Variants in GTSF1 observed in about 807,000 individuals in gnomAD.
The protein encoded by GTSF1 is gametocyte-specific factor 1.
Under a neutral mutation model 28.9 loss-of-function variants are expected in GTSF1, and 11 were observed. That is an observed-to-expected ratio of 0.38 (90% CI 0.24 to 0.63). The LOEUF is 0.63. Ranked by LOEUF, GTSF1 falls within the 30% of genes least tolerant of loss-of-function variation. The pLI, the probability that GTSF1 is intolerant of heterozygous loss-of-function variation, is 0.56. For synonymous variants in GTSF1, 69 were observed against 65.6 expected (o/e 1.05, Z -0.25); for missense variants, 146 against 201.0 (o/e 0.73, Z 1.66).
chr12:54,458,649 C>T (rs993082338), intron 8 of GTSF1, among the ~76,000 whole-genome samples: 2 of 152,242 alleles, frequency 1.3e-5, no homozygotes, highest in Non-Finnish European at 2.9e-5. Context: ...GGATTACAGG[C>T]GTGAGCCACT....
rs1028811129 is a variant in GTSF1, at chr12:54,471,294, T to G, written c.-29-17A>C. The G allele has an allele frequency of 3.2e-6, 5 of 1,564,418 alleles. No individual in the cohort carries two copies. In the African/African-American group the frequency reaches 6.9e-5, roughly 21 times the overall value. On this transcript the variant is annotated splice_polypyrimidine_tract_variant and intron_variant, in intron 1 of 8. Coordinates refer to ENST00000305879, the MANE Select transcript of GTSF1 (RefSeq NM_144594.3). ...ATCCAAGTGCTGGAAAAAACAAAAG[T>G]GTGATTCAGGAAATCAGAAATAAAA...
At chr12:54,457,876 T>C (rs1414588147) in intron 8 of GTSF1, among the ~76,000 whole-genome samples, 1 of 152,210 alleles carries the variant, frequency 6.6e-6, no homozygotes, top group African/African-American at 2.4e-5. Flanking sequence ...GAAAAATGGC[T>C]GGTACCTAGA....
At chr12:54,459,373 G>A (rs1956384722) in intron 7 of GTSF1, 1 of 1,412,596 alleles carries the variant, frequency 7.1e-7, no homozygotes, top group African/African-American at 1.4e-5. Flanking sequence ...TATCCAGGGA[G>A]AAACGTTTTA....
chr12:54,460,506 CA>C, intron 6 of GTSF1, 35 bp from the exon 7 acceptor site: 11 of 1,421,304 alleles, frequency 7.7e-6, no homozygotes, highest in Non-Finnish European at 1.1e-5. Context: ...GTCGGCAGAT[CA>C]GTATCATTCA....
At chr12:54,469,067 CA>C (rs1347174202) in intron 2 of GTSF1, 2 of 152,144 alleles carry the variant, frequency 1.3e-5, no homozygotes, top group Non-Finnish European at 2.9e-5. Context: ...AGGGACTTCA[CA>C]TTCTTCTTCT....
chr12:54,465,254 A>T, intron 2 of GTSF1, 87 bp from the exon 3 acceptor site: 1 of 820,944 alleles, frequency 1.2e-6, no homozygotes. Context: ...TTTTTTCAAG[A>T]GACTCTGTAA....
Position 54,463,290 on chromosome 12 carries a change from G to T in GTSF1, c.125C>A (p.Pro42His), listed in dbSNP as rs767605251. The T allele has an allele frequency of 6.2e-7, 1 of 1,613,726 alleles. No individual in the cohort carries two copies. The highest frequency in any genetic ancestry group is 8.5e-7 in the Non-Finnish European group (1 of 1,179,742). The change falls in exon 4 of 9, where the codon CCT (proline) becomes CAT (histidine). Residue 42 changes from proline to histidine, a missense_variant. Physicochemically the swap from Pro to His is moderately conservative, Grantham distance 77 (BLOSUM62 -2). Transcript: ENST00000305879. ...YHLIKCRKNH[P>H]DVASKLATCP... Reference sequence around the variant, plus strand: ...AGTAGCCAATTTGCTTGCAACATCAGGATGATTCTGTGGAACCAAAATTAA... The same window carrying T: ...AGTAGCCAATTTGCTTGCAACATCATGATGATTCTGTGGAACCAAAATTAA...
At position 54,462,689 on chromosome 12, in the gene GTSF1, G is replaced by C. The variant is rs369671468; in HGVS notation, c.281C>G (p.Ala94Gly). The C allele has an allele frequency of 1.2e-6, 2 of 1,614,008 alleles. No individual in the cohort carries two copies. The highest frequency in any genetic ancestry group is 2.7e-5 in the African/African-American group (2 of 74,946). ...QTRSLRQETL[A>G]ESTWQCPPCD... ...AGGAGGGCACTGCCAAGTGCTCTCA[G>C]CCAGAGTCTCTTGTCTAAGGCTCCT... is the stretch of plus-strand genomic sequence containing the variant. Residue 94 changes from alanine (A) to glycine (G), a missense_variant, in exon 5 of 9, where the codon GCT becomes GGT. By Grantham distance (60) the Ala-to-Gly change is moderately conservative. Transcript: ENST00000305879.
At chr12:54,467,353 T>C (rs1322875973) in intron 2 of GTSF1, among the ~76,000 whole-genome samples, 3 of 151,956 alleles carry the variant, frequency 2.0e-5, no homozygotes, top group Non-Finnish European at 2.9e-5. Context: ...GTCTCACTGT[T>C]ATCCAGGCTG....
intron 2 of GTSF1, among the ~76,000 whole-genome samples, chr12:54,469,549 G>C (rs1161591551): frequency 6.6e-6 from 1 of 151,420 alleles, no homozygotes; most frequent in African/African-American, 2.4e-5. Context: ...TTAGCCAGGC[G>C]TTGTGGCATG....
Position 54,462,577 on chromosome 12 carries a change from T to C in GTSF1, c.328+65A>G, listed in dbSNP as rs1444968781. The C allele has an allele frequency of 6.8e-5, 92 of 1,352,464 alleles. No individual in the cohort carries two copies. In the East Asian group the frequency reaches 2.1e-3, roughly 31 times the overall value. The allele number at this position is 1,352,464 out of a possible 1,614,324, so 83.8% of individuals were successfully genotyped here. A position where few individuals can be genotyped will look rare whatever the true frequency, so the allele number is the denominator to read the frequency against. ...TGTTCATAAAAAAGGAAAATCTTCC[T>C]TCTGTCTTAAGCAAATGACTTGAGA... On this transcript the variant is annotated intron_variant, in intron 5 of 8. Transcript: ENST00000305879.
intron 8 of GTSF1, 76 bp downstream of exon 8, chr12:54,459,013 G>C: frequency 1.0e-6 from 1 of 979,958 alleles, no homozygotes. Flanking sequence ...AAAGAAAATT[G>C]GACCCAAATT....
chr12:54,459,376 A>G (rs1280037964), intron 7 of GTSF1: 7 of 1,407,488 alleles, frequency 5.0e-6, no homozygotes, highest in Admixed American at 2.4e-5. Flanking sequence ...CCAGGGAGAA[A>G]CGTTTTAAAG....
intron 4 of GTSF1, 51 bp from the exon 5 acceptor site, chr12:54,462,776 G>T: frequency 7.0e-7 from 1 of 1,428,686 alleles, no homozygotes; most frequent in Non-Finnish European, 9.9e-7. Flanking sequence ...CCAAGTTATT[G>T]TGTTCAAAGG....
chr12:54,469,016 A>G (rs1031996496), intron 2 of GTSF1: 1 of 152,234 alleles, frequency 6.6e-6, no homozygotes, highest in Admixed American at 6.5e-5. Flanking sequence ...AATTTAATAG[A>G]CAGTAGTATG....
At chr12:54,465,244 T>C in intron 2 of GTSF1, 77 bp from the exon 3 acceptor site, 2 of 923,336 alleles carry the variant, frequency 2.2e-6, no homozygotes, top group Non-Finnish European at 3.5e-6. Context: ...GCACACTGGA[T>C]TTTTTCAAGA....
intron 5 of GTSF1, 137 bp downstream of exon 5, chr12:54,462,505 G>A (rs529475283): frequency 7.0e-5 from 51 of 724,930 alleles, no homozygotes; most frequent in Middle Eastern, 2.8e-4. Context: ...AAATGTGCTC[G>A]TTTTGGGGCC....
At chr12:54,465,019 C>A in intron 3 of GTSF1, 48 bp downstream of exon 3, 1 of 1,109,344 alleles carries the variant, frequency 9.0e-7, no homozygotes, top group Non-Finnish European at 1.3e-6. Flanking sequence ...AAAATATGGC[C>A]TTTTAAAAGA....
chr12:54,470,593 G>A (rs1273235496), intron 2 of GTSF1, among the ~76,000 whole-genome samples: 4 of 152,144 alleles, frequency 2.6e-5, no homozygotes, highest in African/African-American at 9.7e-5. Flanking sequence ...TTATCCACGG[G>A]CATAAACTCA....
Sources: allele counts gnomAD v4.1 joint callset (sites outside exome capture counted in the v4.1 genomes callset), GRCh38; gene constraint gnomAD v4.1.1; transcripts MANE v1.5; gene names NCBI Gene and HGNC (gene_info 2026-07-23, HGNC 2026-07-21).